The following HMGB1 variants were observed in gnomAD, a reference collection of about 807,000 sequenced individuals.
HMGB1 encodes the protein high mobility group box 1.
For synonymous variants in HMGB1, 81 were observed against 84.0 expected (o/e 0.96, Z 0.19); for missense variants, 79 against 253.5 (o/e 0.31, Z 4.67).
intron 1 of HMGB1, among the ~76,000 whole-genome samples, chr13:30,591,794 T>C (rs1374389669): frequency 1.3e-5 from 2 of 152,162 alleles, no homozygotes; most frequent in Non-Finnish European, 2.9e-5. Context: ...GATTTTTAAA[T>C]GTAAGACTAC....
intron 1 of HMGB1, among the ~76,000 whole-genome samples, chr13:30,518,375 C>T (rs1170400307): frequency 6.6e-5 from 10 of 152,136 alleles, no homozygotes. Context: ...CTGTCTTTTC[C>T]TATTTCCCTT....
chr13:30,472,155 T>C (rs1395054527), intron 1 of HMGB1, among the ~76,000 whole-genome samples: 1 of 151,944 alleles, frequency 6.6e-6, no homozygotes, highest in Non-Finnish European at 1.5e-5. Context: ...GGCGCATGCC[T>C]GTAGTCCCAG....
intron 1 of HMGB1, among the ~76,000 whole-genome samples, chr13:30,498,483 G>A (rs892293558): frequency 6.6e-6 from 1 of 151,910 alleles, no homozygotes; most frequent in Non-Finnish European, 1.5e-5. Context: ...CAGGAGAGAT[G>A]GCTAGGCTTG....
chr13:30,570,659 C>T (rs1461046122), intron 1 of HMGB1, among the ~76,000 whole-genome samples: 1 of 152,184 alleles, frequency 6.6e-6, no homozygotes, highest in Non-Finnish European at 1.5e-5. Flanking sequence ...TGCTCTGCTT[C>T]CTACACCCTT....
intron 1 of HMGB1, among the ~76,000 whole-genome samples, chr13:30,583,667 C>A (rs570856742): frequency 6.6e-6 from 1 of 151,208 alleles, no homozygotes; most frequent in African/African-American, 2.4e-5. Flanking sequence ...GGTGAAACCC[C>A]ATCTCTACTA....
At chr13:30,481,664 A>G (rs183101953) in intron 1 of HMGB1, among the ~76,000 whole-genome samples, 8 of 152,198 alleles carry the variant, frequency 5.3e-5, no homozygotes, top group Non-Finnish European at 7.3e-5. Flanking sequence ...ATCTGCCATC[A>G]TGATGAAAAC....
intron 1 of HMGB1, chr13:30,464,308 G>A: frequency 1.0e-6 from 1 of 985,448 alleles, no homozygotes; most frequent in Non-Finnish European, 1.2e-6. Flanking sequence ...TTGGCCCTGA[G>A]ATGTATTTCT....
intron 1 of HMGB1, among the ~76,000 whole-genome samples, chr13:30,574,982 T>A (rs530272199): frequency 1.3e-5 from 2 of 152,368 alleles, no homozygotes; most frequent in South Asian, 4.1e-4. Context: ...TAAAGATGTG[T>A]CTGTTGGGGA....
chr13:30,607,373 C>T (rs1411066325), intron 1 of HMGB1, among the ~76,000 whole-genome samples: 1 of 151,820 alleles, frequency 6.6e-6, no homozygotes, highest in Non-Finnish European at 1.5e-5. Context: ...CGGCCTTCCC[C>T]CTTGCTGTTC....
rs144063767 is a variant in HMGB1 at position 30,461,384 on chromosome 13, A to G, written c.621T>C (p.Asp207=). The G allele has an allele frequency of 1.9e-6, 3 of 1,564,322 alleles. No individual in the cohort carries two copies. Among genetic ancestry groups the G allele is most frequent in the African/African-American group, 2.8e-5 (2 of 71,478 alleles). Residue 207 remains aspartate, a synonymous_variant, in exon 5 of 5, where the codon GAT becomes GAC. Transcript: ENST00000341423. ...EEEEEDEEDE[D]EEEDDDDE ...ATTCATCATCATCATCTTCTTCTTC[A>G]TCTTCATCTTCTTCATCTTCCTCCT...
chr13:30,588,849 G>C (rs544836411), intron 1 of HMGB1, among the ~76,000 whole-genome samples: 1 of 151,970 alleles, frequency 6.6e-6, no homozygotes, highest in Admixed American at 6.5e-5. Flanking sequence ...TCTGGGAGGC[G>C]GAGGTTGCAG....
Position 30,461,183 on chromosome 13 carries a change from T to C in HMGB1, c.*174A>G. 2 of 1,280,122 alleles carry C rather than the reference T, an allele frequency of 1.6e-6. No homozygotes were observed. The highest frequency in any genetic ancestry group is 1.0e-6 in the Non-Finnish European group (1 of 970,332). 79.3% of individuals were successfully genotyped at this position (1,280,122 alleles called of 1,614,324 possible). A position where few individuals can be genotyped will look rare whatever the true frequency, so the allele number is the denominator to read the frequency against. ...ATTGAAAATACCACCAGGACAGGGCTATCTAAAGACACATTCGGTAGTGTG... is the reference window on the plus strand; with the variant it reads ...ATTGAAAATACCACCAGGACAGGGCCATCTAAAGACACATTCGGTAGTGTG... On this transcript the variant is annotated 3_prime_UTR_variant, in exon 5 of 5. Coordinates refer to ENST00000341423, the MANE Select transcript of HMGB1 (RefSeq NM_002128.7).
chr13:30,569,329 C>T (rs1359815440), intron 1 of HMGB1, among the ~76,000 whole-genome samples: 1 of 152,214 alleles, frequency 6.6e-6, no homozygotes, highest in Non-Finnish European at 1.5e-5. Flanking sequence ...TACTGTTTCT[C>T]ATTCCATAAC....
At chr13:30,576,247 A>T (rs537818215) in intron 1 of HMGB1, among the ~76,000 whole-genome samples, 1 of 152,312 alleles carries the variant, frequency 6.6e-6, no homozygotes, top group African/African-American at 2.4e-5. Context: ...GCTGGATTGA[A>T]GTCAAATGGC....
chr13:30,538,631 T>TTCTTTCTTTTTCTTTCC, intron 1 of HMGB1, among the ~76,000 whole-genome samples: 1 of 98,656 alleles, frequency 1.0e-5, no homozygotes, highest in African/African-American at 8.8e-5. Context: ...CTCTCTTTCT[T>TTCTTTCTTTTTCTTTCC]TTTCTTTCTT....
chr13:30,525,716 CA>C (rs1194865367), intron 1 of HMGB1, among the ~76,000 whole-genome samples: 1 of 62,336 alleles, frequency 1.6e-5, no homozygotes, highest in Non-Finnish European at 4.8e-5. Context: ...CCATTATTAA[CA>C]TAAAAAAAAA....
chr13:30,583,535 A>T (rs1177158480), intron 1 of HMGB1, among the ~76,000 whole-genome samples: 4 of 150,216 alleles, frequency 2.7e-5, no homozygotes, highest in East Asian at 2.0e-4. Flanking sequence ...CTCCAAAAAA[A>T]AAAAAAAAAA....
chr13:30,522,363 TA>T (rs1261406451), intron 1 of HMGB1, among the ~76,000 whole-genome samples: 1 of 152,100 alleles, frequency 6.6e-6, no homozygotes, highest in African/African-American at 2.4e-5. Flanking sequence ...CTCAGCCTCT[TA>T]AAGTGTTGGG....
chr13:30,517,515 C>T (rs1888127235), intron 1 of HMGB1, among the ~76,000 whole-genome samples: 1 of 152,254 alleles, frequency 6.6e-6, no homozygotes, highest in Non-Finnish European at 1.5e-5. Flanking sequence ...AGCGATTCTC[C>T]TGCCTCAGCC....
Sources: gnomAD v4.1 joint callset for allele counts (sites outside exome capture counted in the v4.1 genomes callset) on GRCh38, gnomAD v4.1.1 for gene constraint, MANE v1.5 for transcripts, NCBI Gene and HGNC (gene_info 2026-07-23, HGNC 2026-07-21) for gene names.